The following CSMD1 variants were observed in gnomAD, a reference collection of about 807,000 sequenced individuals.
CSMD1 encodes CUB and sushi domain-containing protein 1.
A neutral mutation model predicts 417.5 loss-of-function variants in CSMD1; 213 were observed. The ratio of observed to expected loss-of-function variants is 0.51; its 90% CI spans 0.46 to 0.57. The LOEUF (loss-of-function observed/expected upper bound fraction) is 0.57. Ranked by LOEUF, CSMD1 falls within the 20% of genes least tolerant of loss-of-function variation. The probability of loss-of-function intolerance (pLI) is 0.00; values close to 1 mark genes in which losing one functional copy is unlikely to be tolerated. For missense variants in CSMD1, 6,923 were observed against 4,529.7 expected, an observed-to-expected ratio of 1.53 and a Z score of -15.17; for synonymous variants, 2,862 against 1,736.8, an observed-to-expected ratio of 1.65 and a Z score of -16.11.
At chr8:3,356,562 C>T (rs1440995028) in intron 21 of CSMD1, among the ~76,000 whole-genome samples, 1 of 152,164 alleles carries the variant, frequency 6.6e-6, no homozygotes, top group Admixed American at 6.5e-5. Flanking sequence ...GTAGTCCCAG[C>T]AACTCGGGAG....
chr8:4,460,355 G>A (rs1217788690), intron 2 of CSMD1, among the ~76,000 whole-genome samples: 1 of 152,026 alleles, frequency 6.6e-6, no homozygotes, highest in Middle Eastern at 3.2e-3. Context: ...GGGAAATTTA[G>A]AGTAGTAAAT....
intron 4 of CSMD1, among the ~76,000 whole-genome samples, chr8:4,004,271 T>C (rs553343494): frequency 1.3e-5 from 2 of 152,108 alleles, no homozygotes; most frequent in Non-Finnish European, 1.5e-5. Context: ...CCCAGTAACA[T>C]TCATGAATAA....
intron 3 of CSMD1, among the ~76,000 whole-genome samples, chr8:4,072,317 T>C (rs1178512092): frequency 6.6e-6 from 1 of 152,224 alleles, no homozygotes; most frequent in African/African-American, 2.4e-5. Context: ...GCCTTCAAAA[T>C]GTATTTACTT....
intron 31 of CSMD1, among the ~76,000 whole-genome samples, chr8:3,203,639 A>T (rs1173738330): frequency 1.3e-5 from 2 of 152,212 alleles, no homozygotes; most frequent in East Asian, 3.8e-4. Context: ...GGGGATTGGA[A>T]TGCAAAGGCC....
chr8:3,744,635 T>G (rs1333691041), intron 6 of CSMD1, among the ~76,000 whole-genome samples: 1 of 152,206 alleles, frequency 6.6e-6, no homozygotes, highest in Non-Finnish European at 1.5e-5. Flanking sequence ...TTGTAATGCT[T>G]CAAGTTCCAA....
chr8:3,698,605 A>C (rs1800685453), intron 7 of CSMD1, among the ~76,000 whole-genome samples: 1 of 152,150 alleles, frequency 6.6e-6, no homozygotes, highest in Admixed American at 6.5e-5. Flanking sequence ...ACACGTTCCT[A>C]ATACAGCACT....
intron 2 of CSMD1, among the ~76,000 whole-genome samples, chr8:4,634,784 T>C (rs1249059338): frequency 1.3e-5 from 2 of 152,186 alleles, no homozygotes; most frequent in African/African-American, 4.8e-5. Flanking sequence ...TCCTGAATGT[T>C]GAAAGAGAAA....
At chr8:4,730,173 G>C (rs1451650248) in intron 1 of CSMD1, among the ~76,000 whole-genome samples, 1 of 151,436 alleles carries the variant, frequency 6.6e-6, no homozygotes, top group African/African-American at 2.4e-5. Context: ...GTCTCAGTGT[G>C]GAAAAAGAAA....
intron 1 of CSMD1, among the ~76,000 whole-genome samples, chr8:4,904,422 C>A (rs1373510727): frequency 1.3e-5 from 2 of 152,100 alleles, no homozygotes; most frequent in Non-Finnish European, 2.9e-5. Context: ...ACTTATATCT[C>A]ACAAATAAAA....
chr8:4,906,015 TAAATTA>T (rs1172027650), intron 1 of CSMD1, among the ~76,000 whole-genome samples: 1 of 152,078 alleles, frequency 6.6e-6, no homozygotes, highest in African/African-American at 2.4e-5. Flanking sequence ...TCTGATCCGA[TAAATTA>T]AAATAGAAAG....
intron 1 of CSMD1, among the ~76,000 whole-genome samples, chr8:4,896,212 C>A (rs1253452702): frequency 1.3e-5 from 2 of 151,998 alleles, no homozygotes; most frequent in African/African-American, 2.4e-5. Flanking sequence ...AGTGTCTTGT[C>A]AGTCTGGTTC....
At chr8:3,917,780 C>T (rs958639797) in intron 5 of CSMD1, among the ~76,000 whole-genome samples, 3 of 152,132 alleles carry the variant, frequency 2.0e-5, no homozygotes, top group African/African-American at 7.2e-5. Context: ...AGATTCCCCC[C>T]ACACCTATTA....
intron 3 of CSMD1, among the ~76,000 whole-genome samples, chr8:4,305,621 C>T (rs1459185469): frequency 6.6e-6 from 1 of 152,252 alleles, no homozygotes; most frequent in South Asian, 2.1e-4. Flanking sequence ...CACGTAAGAC[C>T]GTTTTAGCTG....
At chr8:3,693,933 G>A (rs1800396280) in intron 7 of CSMD1, among the ~76,000 whole-genome samples, 1 of 151,380 alleles carries the variant, frequency 6.6e-6, no homozygotes, top group African/African-American at 2.4e-5. Context: ...TTGTTATGGT[G>A]TGTGCGTCGT....
At chr8:4,636,151 T>C (rs944233880) in intron 2 of CSMD1, among the ~76,000 whole-genome samples, 54 of 152,094 alleles carry the variant, frequency 3.6e-4, no homozygotes, top group Non-Finnish European at 6.8e-4. Context: ...CATATGATTC[T>C]TGTGTGTATT....
chr8:4,693,871 T>C (rs1357511154), intron 1 of CSMD1, among the ~76,000 whole-genome samples: 1 of 56,802 alleles, frequency 1.8e-5, no homozygotes. Flanking sequence ...TCTTCTATTT[T>C]CTAGGTTTTC....
At chr8:4,455,499 T>G (rs922060223) in intron 2 of CSMD1, among the ~76,000 whole-genome samples, 2 of 152,178 alleles carry the variant, frequency 1.3e-5, no homozygotes, top group East Asian at 1.9e-4. Flanking sequence ...GAAGCTGGTT[T>G]CCATTTGTCT....
At chr8:3,659,961 C>G (rs889779745) in intron 7 of CSMD1, among the ~76,000 whole-genome samples, 5 of 152,150 alleles carry the variant, frequency 3.3e-5, no homozygotes, top group African/African-American at 7.2e-5. Context: ...TAATTTCAAA[C>G]TTTTAAGAAG....
intron 1 of CSMD1, among the ~76,000 whole-genome samples, chr8:4,921,881 A>T (rs1806521445): frequency 2.6e-5 from 4 of 152,174 alleles, no homozygotes; most frequent in Admixed American, 2.6e-4. Flanking sequence ...GACTGTATTC[A>T]CTCAGAATTG....
Sources: allele counts gnomAD v4.1 joint callset (sites outside exome capture counted in the v4.1 genomes callset), GRCh38; gene constraint gnomAD v4.1.1; transcripts MANE v1.5; gene names NCBI Gene and HGNC (gene_info 2026-07-23, HGNC 2026-07-21).